Variants in DCHS2 observed in about 807,000 individuals in gnomAD.
DCHS2 encodes the protein protocadherin-23.
Under a neutral mutation model 182.4 loss-of-function variants are expected in DCHS2, and 142 were observed. The ratio of observed to expected loss-of-function variants is 0.78; its 90% CI spans 0.68 to 0.89. DCHS2 has a LOEUF of 0.89. Among genes scored for constraint, DCHS2 ranks in the 40% least tolerant of loss-of-function variants. The probability of loss-of-function intolerance (pLI) is 0.00; values close to 1 mark genes in which losing one functional copy is unlikely to be tolerated. For missense variants in DCHS2, 4,319 were observed against 4,198.6 expected (o/e 1.03, Z -0.79); for synonymous variants, 1,740 against 1,663.3 (o/e 1.05, Z -1.12).
intron 1 of DCHS2, among the ~76,000 whole-genome samples, chr4:154,415,585 G>A (rs542385956): frequency 6.6e-6 from 1 of 152,178 alleles, no homozygotes; most frequent in Non-Finnish European, 1.5e-5. Flanking sequence ...TTTGACTTCC[G>A]GTACTGGGGG....
chr4:154,412,921 C>T (rs975218476), intron 1 of DCHS2, among the ~76,000 whole-genome samples: 29 of 151,998 alleles, frequency 1.9e-4, no homozygotes, highest in African/African-American at 7.0e-4. Flanking sequence ...ATCATGGGCG[C>T]TCAATAAATT....
chr4:154,468,793 T>C (rs973280984), intron 1 of DCHS2, among the ~76,000 whole-genome samples: 2 of 152,180 alleles, frequency 1.3e-5, no homozygotes, highest in Admixed American at 6.6e-5. Flanking sequence ...TATTACAAAC[T>C]ATTCATTAAA....
chr4:154,331,441 G>A lies in DCHS2; in HGVS notation c.3730+1037C>T, dbSNP rs75314406. The A allele has an allele frequency of 7.0e-4, 574 of 816,104 alleles. 1 individual carries two copies. In the African/African-American group the frequency reaches 9.3e-3, roughly 13 times the overall value. The allele number at this position is 816,104 out of a possible 1,614,324, so 50.6% of individuals were successfully genotyped here. On this transcript the variant is annotated intron_variant, in intron 5 of 19. Transcript: ENST00000357232. ...CATATGGAAGTAAAGTGCAAGCAGG[G>A]TCATCCCATATAGCTGTATGGTTTG...
chr4:154,333,891 T>C (rs1728639553), intron 4 of DCHS2: 1 of 192,606 alleles, frequency 5.2e-6, no homozygotes, highest in Admixed American at 5.3e-5. Flanking sequence ...TTTCCCATCG[T>C]TAAGGACGCA....
Position 154,274,336 on chromosome 4 carries a change from T to C in DCHS2, c.6464-4323A>G, listed in dbSNP as rs1733734412. Among the ~76,000 whole-genome samples the C allele has an allele frequency of 3.3e-5, 5 of 152,216 alleles. No homozygotes were observed. The South Asian group carries it at 1.0e-3, about 31-fold the overall frequency. ...TGTGGTCTGACTCCAATTCTGAGTT[T>C]TCTTGTTTACCATCTCTGATAGAGA... On this transcript the variant is annotated intron_variant, in intron 13 of 19. Coordinates refer to ENST00000357232, the MANE Select transcript of DCHS2 (RefSeq NM_001358235.2).
chr4:154,314,214 T>C (rs1394553967), intron 10 of DCHS2, among the ~76,000 whole-genome samples: 1 of 152,190 alleles, frequency 6.6e-6, no homozygotes, highest in African/African-American at 2.4e-5. Flanking sequence ...AGTATATGTC[T>C]ATATACTTTG....
Position 154,321,043 on chromosome 4 carries a change from A to AAAG in DCHS2, c.4353_4355dup (p.Phe1452dup). ...AGTCTCCGGTTGAGCTGTCTATTTC[A>AAAG]AAGTGTCCATCCTTATCATCTGCAA... On this transcript the variant is annotated inframe_insertion, in exon 9 of 20. Transcript: ENST00000357232. 1.2e-6 allele frequency: 2 copies of AAAG among 1,613,518 alleles called. No homozygotes were observed. Among genetic ancestry groups the AAAG allele is most frequent in the Non-Finnish European group, 1.7e-6 (2 of 1,179,616 alleles).
intron 1 of DCHS2, among the ~76,000 whole-genome samples, chr4:154,421,298 T>C (rs1160786611): frequency 6.6e-6 from 1 of 152,176 alleles, no homozygotes; most frequent in African/African-American, 2.4e-5. Flanking sequence ...TCATTAAGCA[T>C]CGAAATACTT....
At chr4:154,361,899 G>A (rs958306090) in intron 3 of DCHS2, among the ~76,000 whole-genome samples, 16 of 151,842 alleles carry the variant, frequency 1.1e-4, no homozygotes, top group Non-Finnish European at 2.4e-4. Flanking sequence ...ATAACAGAAA[G>A]CATGTAAGTT....
intron 14 of DCHS2, chr4:154,269,099 A>T (rs1733444066): frequency 6.6e-6 from 1 of 152,192 alleles, no homozygotes; most frequent in South Asian, 2.1e-4. Flanking sequence ...AATGGGATGA[A>T]GAGATGAAGA....
At chr4:154,472,701 T>G (rs1432949017) in intron 1 of DCHS2, among the ~76,000 whole-genome samples, 1 of 152,086 alleles carries the variant, frequency 6.6e-6, no homozygotes, top group Non-Finnish European at 1.5e-5. Flanking sequence ...AAAACTGCCT[T>G]GGATATGAAA....
rs1289880384 is a variant in DCHS2 at position 154,491,032 on chromosome 4, A to G, written c.324T>C (p.Asp108=). ...GGAAGTCGTCCAGCAGCGGGGAGTC[A>G]TCGGAGTCCTCCGACAGAAAGAAGC... ...GSGFFLSEDS[D]DSPLLDDFHV... The change falls in exon 1 of 20, where the codon GAT becomes GAC. Residue 108 remains aspartate (D), a synonymous_variant. Transcript: ENST00000357232. 2 of 1,550,980 alleles carry G rather than the reference A, an allele frequency of 1.3e-6. No homozygotes were observed. The highest frequency in any genetic ancestry group is 1.7e-6 in the Non-Finnish European group (2 of 1,146,842).
rs956680045 is a variant in DCHS2, at chr4:154,484,018, A to T, written c.2052+5286T>A. ...CCTATACTACTGGCCGTTAATTCAC[A>T]CTGAAATCAAAAACTCGAGAGAGCC... On this transcript the variant is annotated intron_variant, in intron 1 of 19. Transcript: ENST00000357232. Among the ~76,000 whole-genome samples, 14 of 152,176 alleles carry T rather than the reference A, an allele frequency of 9.2e-5. No individual in the cohort carries two copies. In the East Asian group the frequency reaches 2.7e-3, roughly 29 times the overall value.
intron 16 of DCHS2, among the ~76,000 whole-genome samples, chr4:154,253,674 A>ATTT (rs930901233): frequency 7.9e-5 from 12 of 152,378 alleles, no homozygotes; most frequent in Admixed American, 7.2e-4. Flanking sequence ...TTATTTTAAA[A>ATTT]TTTATAATAG....
chr4:154,257,032 G>A (rs530048940), intron 15 of DCHS2, among the ~76,000 whole-genome samples: 1 of 152,136 alleles, frequency 6.6e-6, no homozygotes, highest in African/African-American at 2.4e-5. Context: ...GGTGGATTAC[G>A]AGGTTAAGAG....
chr4:154,384,450 C>T, intron 1 of DCHS2: 1 of 1,604,834 alleles, frequency 6.2e-7, no homozygotes, highest in Non-Finnish European at 8.5e-7. Flanking sequence ...GGGACTACCT[C>T]TTTTCAATCC....
At chr4:154,327,623 G>A (rs1286459070) in intron 7 of DCHS2, among the ~76,000 whole-genome samples, 2 of 152,032 alleles carry the variant, frequency 1.3e-5, no homozygotes, top group African/African-American at 2.4e-5. Context: ...ATAATAGTAA[G>A]CCCACTTCAA....
chr4:154,420,945 T>A (rs1264464047), intron 1 of DCHS2, among the ~76,000 whole-genome samples: 1 of 152,162 alleles, frequency 6.6e-6, no homozygotes, highest in East Asian at 1.9e-4. Context: ...ATTACCAAAT[T>A]ACTAGTGCCT....
intron 3 of DCHS2, among the ~76,000 whole-genome samples, chr4:154,347,655 G>C (rs1307395674): frequency 6.6e-6 from 1 of 151,866 alleles, no homozygotes; most frequent in Non-Finnish European, 1.5e-5. Context: ...CAAGGTATTA[G>C]ATGGGTAATT....
Sources: gnomAD v4.1 joint callset for allele counts (sites outside exome capture counted in the v4.1 genomes callset) on GRCh38, gnomAD v4.1.1 for gene constraint, MANE v1.5 for transcripts, NCBI Gene and HGNC (gene_info 2026-07-23, HGNC 2026-07-21) for gene names.